LY9: variants seen among roughly 807,000 people sequenced by gnomAD.
LY9 encodes T-lymphocyte surface antigen Ly-9.
In LY9, 59 loss-of-function variants were observed where a neutral mutation model predicts 64.6. The ratio of observed to expected loss-of-function variants is 0.91; its 90% CI spans 0.74 to 1.13. LY9 has a LOEUF of 1.13. Among genes scored for constraint, LY9 ranks in the 50% most tolerant of loss-of-function variants. The probability of loss-of-function intolerance (pLI) is 0.00; values close to 1 mark genes in which losing one functional copy is unlikely to be tolerated. For missense variants in LY9, 789 were observed against 797.2 expected (o/e 0.99, Z 0.12); for synonymous variants, 281 against 308.5 (o/e 0.91, Z 0.93).
At chr1:160,808,567 T>C (rs976972481) in intron 2 of LY9, among the ~76,000 whole-genome samples, 1 of 152,120 alleles carries the variant, frequency 6.6e-6, no homozygotes, top group Admixed American at 6.5e-5. Flanking sequence ...CAGTGGGATG[T>C]GGGCCACTGG....
chr1:160,808,126 C>T (rs1201148601), intron 2 of LY9, among the ~76,000 whole-genome samples: 1 of 152,220 alleles, frequency 6.6e-6, no homozygotes, highest in African/African-American at 2.4e-5. Flanking sequence ...CCAGCACTAG[C>T]TGCAGGAGCT....
chr1:160,807,367 C>T (rs1667075490), intron 2 of LY9, among the ~76,000 whole-genome samples: 1 of 152,116 alleles, frequency 6.6e-6, no homozygotes, highest in South Asian at 2.1e-4. Flanking sequence ...CTCAGTAGGT[C>T]AGAGTGTGTT....
At chr1:160,801,902 C>T (rs772038455) in intron 2 of LY9, 14 of 1,613,586 alleles carry the variant, frequency 8.7e-6, no homozygotes, top group Non-Finnish European at 1.1e-5. Flanking sequence ...CACGTGTGAG[C>T]GTGCGGGAGG....
intron 2 of LY9, chr1:160,801,801 GA>G: frequency 6.2e-7 from 1 of 1,613,694 alleles, no homozygotes; most frequent in South Asian, 1.1e-5. Flanking sequence ...ACCATTTATT[GA>G]AAAGTTGTCC....
At chr1:160,813,377 G>T (rs1200028330) in intron 2 of LY9, 8 of 523,292 alleles carry the variant, frequency 1.5e-5, no homozygotes, top group Non-Finnish European at 2.7e-5. Flanking sequence ...TCATCAAGGA[G>T]TTCTTACACT....
At chr1:160,802,734 T>A (rs1356032613) in intron 2 of LY9, 15 of 824,340 alleles carry the variant, frequency 1.8e-5, no homozygotes, top group Non-Finnish European at 2.0e-5. Context: ...ATAAAAAGTA[T>A]CTTTTCTCCC....
At position 160,813,812 on chromosome 1, in the gene LY9, C is replaced by G. The variant is rs756253241; in HGVS notation, c.631C>G (p.Arg211Gly). 1.9e-5 allele frequency: 30 copies of G among 1,614,066 alleles called. No homozygotes were observed. The highest frequency in any genetic ancestry group is 2.4e-5 in the Non-Finnish European group (28 of 1,180,042). Residue 211 changes from arginine (R) to glycine (G), a missense_variant, in exon 3 of 10, where the codon CGA becomes GGA. Physicochemically the swap from Arg to Gly is moderately radical, Grantham distance 125. Coordinates refer to ENST00000263285, the MANE Select transcript of LY9 (RefSeq NM_002348.4). Reference sequence around the variant, plus strand: ...TGGAGGCTCCATTCTTACCGTCTCCCGAACACCATGTGACCCAGACCTGCC... The same window carrying G: ...TGGAGGCTCCATTCTTACCGTCTCCGGAACACCATGTGACCCAGACCTGCC... Reference protein sequence around the residue: ...SNGGSILTVSRTPCDPDLPYI... With the variant: ...SNGGSILTVSGTPCDPDLPYI...
chr1:160,815,229 A>G (rs1667853632), intron 4 of LY9: 1 of 156,874 alleles, frequency 6.4e-6, no homozygotes. Context: ...AATCCAAGCT[A>G]CTCTAGAGGC....
At chr1:160,818,366 C>A (rs750277574) in intron 6 of LY9, 47 bp downstream of exon 6, 2 of 1,434,804 alleles carry the variant, frequency 1.4e-6, no homozygotes, top group South Asian at 1.2e-5. Flanking sequence ...GGCCATTTCC[C>A]TGGGACTTGT....
In LY9 at chr1:160,799,763, C is replaced by G. The variant is rs745709266; in HGVS notation, c.135C>G (p.Ala45=). The G allele has an allele frequency of 1.2e-6, 2 of 1,611,796 alleles. No individual in the cohort carries two copies. Among genetic ancestry groups the G allele is most frequent in the Non-Finnish European group, 8.5e-7 (1 of 1,178,482 alleles). ...SLLFLLMGLR[A]SGKDSAPTVV... ...CTTCTATCTCTGCAGGACTAAGAGC[C>G]TCTGGAAAGGACTCAGCCCCAACAG... Residue 45 remains alanine (A), a synonymous_variant, in exon 2 of 10, where the codon GCC becomes GCG. Transcript: ENST00000263285.
Position 160,796,322 on chromosome 1 carries a change from T to C in LY9, c.124+11T>C. On this transcript the variant is annotated intron_variant, in intron 1 of 9. Coordinates refer to ENST00000263285, the MANE Select transcript of LY9 (RefSeq NM_002348.4). Reference sequence around the variant, plus strand: ...TCTTCCTGCTCATGGGTAAGTCCACTTTATGGCCACCACTTCTTGCTACTG... The same window carrying C: ...TCTTCCTGCTCATGGGTAAGTCCACCTTATGGCCACCACTTCTTGCTACTG... 1.2e-6 allele frequency: 2 copies of C among 1,610,640 alleles called. No homozygotes were observed. The highest frequency in any genetic ancestry group is 1.7e-6 in the Non-Finnish European group (2 of 1,178,772).
rs1668655846 is a variant in LY9 at position 160,823,683 on chromosome 1, C to T, written c.1717C>T (p.His573Tyr). ...CCAGGTCACTCAGGAGGGCGCTGGA[C>T]ATGACCCAGCCCCTGAGGGCCAAGC... ...FDQVTQEGAGHDPAPEGQADY... is the reference protein window; with the variant it reads ...FDQVTQEGAGYDPAPEGQADY... The change falls in exon 8 of 10, where the codon CAT (histidine) becomes TAT (tyrosine). Residue 573 changes from histidine (H) to tyrosine (Y), a missense_variant. Transcript: ENST00000263285. The T allele has an allele frequency of 6.2e-7, 1 of 1,614,010 alleles. No homozygotes were observed. Among genetic ancestry groups the T allele is most frequent in the African/African-American group, 1.3e-5 (1 of 75,026 alleles).
intron 2 of LY9, chr1:160,812,746 G>A (rs1667606619): frequency 6.6e-6 from 1 of 152,136 alleles, no homozygotes; most frequent in South Asian, 2.1e-4. Context: ...TCATTATGTA[G>A]CTTTGGTATT....
intron 2 of LY9, chr1:160,811,893 C>T (rs1403912099): frequency 6.6e-6 from 1 of 152,164 alleles, no homozygotes; most frequent in African/African-American, 2.4e-5. Context: ...CTCTTGAAGA[C>T]AATCTAGGAT....
chr1:160,818,620 A>G (rs1481423751), intron 6 of LY9, among the ~76,000 whole-genome samples: 1 of 152,156 alleles, frequency 6.6e-6, no homozygotes, highest in Non-Finnish European at 1.5e-5. Context: ...TAATGGAGAA[A>G]TGTCACCAGA....
chr1:160,813,552 C>A, intron 2 of LY9, 84 bp from the exon 3 acceptor site: 1 of 1,400,272 alleles, frequency 7.1e-7, no homozygotes, highest in South Asian at 1.3e-5. Flanking sequence ...GCCCCCAACT[C>A]CCCTATTGTC....
At chr1:160,807,782 G>A (rs1322963303) in intron 2 of LY9, among the ~76,000 whole-genome samples, 2 of 152,174 alleles carry the variant, frequency 1.3e-5, no homozygotes, top group Non-Finnish European at 2.9e-5. Context: ...CTAGGCCCCT[G>A]TGGAAAAATG....
chr1:160,814,473 G>A lies in LY9; in HGVS notation c.784G>A (p.Gly262Arg). Reference sequence around the variant, plus strand: ...GGGGGAGACTGTGGTAGGGGTCCTGGGAGAGCCAGTCACCCTGCCACTTGC... The same window carrying A: ...GGGGGAGACTGTGGTAGGGGTCCTGAGAGAGCCAGTCACCCTGCCACTTGC... ...TTGETVVGVL[G>R]EPVTLPLALP... The change falls in exon 4 of 10, where the codon GGA becomes AGA. Residue 262 changes from glycine to arginine, a missense_variant. Coordinates refer to ENST00000263285, the MANE Select transcript of LY9 (RefSeq NM_002348.4). The A allele has an allele frequency of 1.2e-6, 2 of 1,614,060 alleles. No homozygotes were observed. Among genetic ancestry groups the A allele is most frequent in the Non-Finnish European group, 1.7e-6 (2 of 1,179,980 alleles).
chr1:160,824,583 A>G (rs1668741745), intron 9 of LY9: 1 of 984,432 alleles, frequency 1.0e-6, no homozygotes, highest in African/African-American at 1.7e-5. Flanking sequence ...ATCTACCTAA[A>G]TGACAACTTC....
Sources: allele counts gnomAD v4.1 joint callset (sites outside exome capture counted in the v4.1 genomes callset), GRCh38; gene constraint gnomAD v4.1.1; transcripts MANE v1.5; gene names NCBI Gene and HGNC (gene_info 2026-07-23, HGNC 2026-07-21).